CTNNA2: variants seen among roughly 807,000 people sequenced by gnomAD.
CTNNA2 encodes the protein catenin alpha 2.
CTNNA2 carries 42 observed loss-of-function variants against 101.0 expected under a neutral mutation model. That is an observed-to-expected ratio of 0.42 (90% confidence interval 0.32 to 0.54). The LOEUF (loss-of-function observed/expected upper bound fraction) is 0.54. Among genes scored for constraint, CTNNA2 ranks in the 20% least tolerant of loss-of-function variants. The pLI is 0.14. For synonymous variants in CTNNA2, 450 were observed against 456.4 expected (o/e 0.99, Z 0.18); for missense variants, 871 against 1,223.1 (o/e 0.71, Z 4.29).
rs74945351 is a variant in CTNNA2 at position 79,536,959 on chromosome 2, C to T, written c.-6+23752C>T. 2.4e-4 allele frequency among the ~76,000 whole-genome samples: 37 copies of T among 152,246 alleles called. No individual in the cohort carries two copies. In the East Asian group the frequency reaches 7.2e-3, roughly 29 times the overall value. ...TCGGACAATCCGCCCACCTCCGCCTCCCCATGGATTTTACTGTACTTACAT... is the reference window on the plus strand; with the variant it reads ...TCGGACAATCCGCCCACCTCCGCCTTCCCATGGATTTTACTGTACTTACAT... On this transcript the variant is annotated intron_variant, in intron 1 of 18. Transcript: ENST00000402739.
chr2:80,452,716 A>G (rs549071526), intron 9 of CTNNA2, among the ~76,000 whole-genome samples: 1 of 151,734 alleles, frequency 6.6e-6, no homozygotes, highest in East Asian at 1.9e-4. Context: ...AAAGAAATCT[A>G]GGAAAGGGTG....
chr2:79,739,358 C>G (rs1244546032), intron 2 of CTNNA2, among the ~76,000 whole-genome samples: 1 of 152,148 alleles, frequency 6.6e-6, no homozygotes, highest in Non-Finnish European at 1.5e-5. Flanking sequence ...AAGAAAACAG[C>G]TTATGATGTA....
intron 7 of CTNNA2, among the ~76,000 whole-genome samples, chr2:80,253,251 T>G (rs1356202570): frequency 6.6e-6 from 1 of 152,164 alleles, no homozygotes; most frequent in African/African-American, 2.4e-5. Context: ...TGTCTCTTCT[T>G]GAGAAGAATC....
intron 7 of CTNNA2, among the ~76,000 whole-genome samples, chr2:80,372,559 A>C (rs528100741): frequency 7.2e-5 from 11 of 152,072 alleles, no homozygotes; most frequent in Non-Finnish European, 1.5e-4. Flanking sequence ...TACCTGTAAA[A>C]TGTTTATCAT....
At chr2:80,217,275 C>T (rs1473974898) in intron 7 of CTNNA2, among the ~76,000 whole-genome samples, 2 of 151,936 alleles carry the variant, frequency 1.3e-5, no homozygotes, top group African/African-American at 4.8e-5. Flanking sequence ...CTTCAGATGC[C>T]CATTTTTACA....
intron 2 of CTNNA2, among the ~76,000 whole-genome samples, chr2:79,654,142 T>C (rs1681448053): frequency 6.6e-6 from 1 of 152,202 alleles, no homozygotes; most frequent in African/African-American, 2.4e-5. Context: ...TTCAAGGAGA[T>C]CTATAATTTT....
chr2:79,286,757 A>G (rs1675602325), intron 2 of CTNNA2, among the ~76,000 whole-genome samples: 1 of 151,958 alleles, frequency 6.6e-6, no homozygotes, highest in African/African-American at 2.4e-5. Context: ...CTCGAGGAGT[A>G]TCTTTGTGGC....
intron 7 of CTNNA2, among the ~76,000 whole-genome samples, chr2:80,383,588 A>C (rs1676711016): frequency 6.6e-6 from 1 of 152,168 alleles, no homozygotes; most frequent in East Asian, 1.9e-4. Flanking sequence ...TTTTCTTTGA[A>C]GAATGGGTAC....
chr2:79,218,311 T>TTGTGTGTG (rs60680995), intron 2 of CTNNA2, among the ~76,000 whole-genome samples: 1,341 of 114,718 alleles, frequency 0.012, 27 homozygotes, highest in African/African-American at 0.027. Flanking sequence ...TTCATGAACT[T>TTGTGTGTG]TGTGTGTGTG....
At chr2:79,902,517 A>C (rs1035687425) in intron 6 of CTNNA2, among the ~76,000 whole-genome samples, 1 of 152,174 alleles carries the variant, frequency 6.6e-6, no homozygotes. Flanking sequence ...ATATACTTAT[A>C]ATCAACCTTC....
intron 2 of CTNNA2, among the ~76,000 whole-genome samples, chr2:79,678,773 T>C (rs1186347907): frequency 6.6e-6 from 1 of 152,182 alleles, no homozygotes; most frequent in Non-Finnish European, 1.5e-5. Flanking sequence ...TCTTGGAGTC[T>C]CGTTGAATAG....
At chr2:79,349,206 A>C (rs911113833) in intron 3 of CTNNA2, among the ~76,000 whole-genome samples, 4 of 152,224 alleles carry the variant, frequency 2.6e-5, no homozygotes, top group Non-Finnish European at 5.9e-5. Context: ...TTGCAGCATC[A>C]GTAGGTAATG....
At chr2:79,597,417 A>T (rs1028319306) in intron 1 of CTNNA2, among the ~76,000 whole-genome samples, 9 of 150,330 alleles carry the variant, frequency 6.0e-5, no homozygotes, top group Admixed American at 2.0e-4. Flanking sequence ...GCTTGCAGTG[A>T]GTCGAGACGG....
At chr2:79,469,291 C>A (rs1436090671) in intron 4 of CTNNA2, among the ~76,000 whole-genome samples, 12 of 152,120 alleles carry the variant, frequency 7.9e-5, no homozygotes, top group African/African-American at 1.4e-4. Flanking sequence ...GAAATGGATA[C>A]ATTCCTCGAC....
intron 7 of CTNNA2, among the ~76,000 whole-genome samples, chr2:80,025,295 C>T (rs1480330366): frequency 1.3e-5 from 2 of 152,114 alleles, no homozygotes. Flanking sequence ...GGAACCCTCG[C>T]CAGGGACCCA....
intron 7 of CTNNA2, among the ~76,000 whole-genome samples, chr2:80,113,464 T>C (rs1240694206): frequency 6.6e-6 from 1 of 152,242 alleles, no homozygotes; most frequent in Non-Finnish European, 1.5e-5. Context: ...GAGTCTGTAG[T>C]CCATAGATTG....
rs146838897 is a variant in CTNNA2 at position 80,189,692 on chromosome 2, G to A, written c.1057-203519G>A. ...CCCATGCCTGGGCCGCCTATGTGGCGTTGTTCCACCTCACAATACCAGACT... is the reference window on the plus strand; with the variant it reads ...CCCATGCCTGGGCCGCCTATGTGGCATTGTTCCACCTCACAATACCAGACT... On this transcript the variant is annotated intron_variant, in intron 7 of 18. Transcript: ENST00000402739. 3.0e-4 allele frequency among the ~76,000 whole-genome samples: 45 copies of A among 152,104 alleles called. No homozygotes were observed. The East Asian group carries it at 7.4e-3, about 25-fold the overall frequency.
At chr2:80,380,664 A>G (rs2149348381) in intron 7 of CTNNA2, among the ~76,000 whole-genome samples, 1 of 152,310 alleles carries the variant, frequency 6.6e-6, no homozygotes, top group African/African-American at 2.4e-5. Flanking sequence ...TTCCTTCCCT[A>G]CAGCTGGCCT....
intron 7 of CTNNA2, among the ~76,000 whole-genome samples, chr2:79,912,713 A>G (rs906186378): frequency 2.0e-5 from 3 of 152,216 alleles, no homozygotes; most frequent in African/African-American, 7.2e-5. Context: ...ATTATTGTAC[A>G]TATGTGAAGA....
Sources: gnomAD v4.1 joint callset for allele counts (sites outside exome capture counted in the v4.1 genomes callset) on GRCh38, gnomAD v4.1.1 for gene constraint, MANE v1.5 for transcripts, NCBI Gene and HGNC (gene_info 2026-07-23, HGNC 2026-07-21) for gene names.